ESRRB: variants seen among roughly 807,000 people sequenced by gnomAD.
The protein encoded by ESRRB is steroid hormone receptor ERR2.
ESRRB carries 16 observed loss-of-function variants against 46.0 expected under a neutral mutation model. That is an observed-to-expected ratio of 0.35 (90% confidence interval 0.24 to 0.53). The LOEUF (loss-of-function observed/expected upper bound fraction) is 0.53. ESRRB is among the 20% of genes least tolerant of loss of function. ESRRB has a pLI of 0.93. For synonymous variants in ESRRB, 246 were observed against 259.6 expected (o/e 0.95, Z 0.50); for missense variants, 488 against 607.4 (o/e 0.80, Z 2.07).
intron 1 of ESRRB, among the ~76,000 whole-genome samples, chr14:76,321,900 AT>A (rs975166193): frequency 2.0e-5 from 3 of 147,198 alleles, no homozygotes; most frequent in African/African-American, 7.4e-5. Flanking sequence ...AAAAAAAAAA[AT>A]ATATTCTTCC....
At chr14:76,466,208 G>A (rs1889104312) in intron 3 of ESRRB, among the ~76,000 whole-genome samples, 1 of 152,316 alleles carries the variant, frequency 6.6e-6, no homozygotes, top group East Asian at 1.9e-4. Flanking sequence ...GGCTTGGGGA[G>A]GGCTGCAGAC....
upstream of ESRRB, among the ~76,000 whole-genome samples, chr14:76,375,201 CT>C (rs1246669046): frequency 6.6e-6 from 1 of 151,874 alleles, no homozygotes; most frequent in Non-Finnish European, 1.5e-5. Context: ...ATTATTATCC[CT>C]GTGGCTGGTG....
At chr14:76,314,409 G>A (rs200184124) in intron 1 of ESRRB, among the ~76,000 whole-genome samples, 12 of 152,280 alleles carry the variant, frequency 7.9e-5, no homozygotes, top group East Asian at 3.9e-4. Context: ...GCTCCAGTTC[G>A]GAGGTGAGAA....
At chr14:76,340,787 A>G (rs1204479502) in intron 1 of ESRRB, among the ~76,000 whole-genome samples, 1 of 152,198 alleles carries the variant, frequency 6.6e-6, no homozygotes, top group African/African-American at 2.4e-5. Flanking sequence ...GACAAGGCAC[A>G]ATGCAGCAGG....
chr14:76,489,666 A>G (rs1402276674), intron 5 of ESRRB, among the ~76,000 whole-genome samples: 2 of 152,226 alleles, frequency 1.3e-5, no homozygotes, highest in African/African-American at 4.8e-5. Flanking sequence ...GAGAATGCTC[A>G]CAGGGTAAGG....
intron 1 of ESRRB, among the ~76,000 whole-genome samples, chr14:76,321,918 A>G (rs1317010190): frequency 6.6e-6 from 1 of 151,942 alleles, no homozygotes; most frequent in African/African-American, 2.4e-5. Flanking sequence ...TTCCCATTAT[A>G]CAAAAGAGGA....
At chr14:76,344,877 A>C (rs34496850) in intron 1 of ESRRB, among the ~76,000 whole-genome samples, 37,056 of 151,770 alleles carry the variant, frequency 0.24, 5,073 homozygotes, top group East Asian at 0.44. Flanking sequence ...AATAGTGTCC[A>C]ATCTCATCCA....
At chr14:76,454,633 C>G (rs1434774069) in intron 2 of ESRRB, among the ~76,000 whole-genome samples, 1 of 152,110 alleles carries the variant, frequency 6.6e-6, no homozygotes, top group Non-Finnish European at 1.5e-5. Context: ...TACTTACTGA[C>G]AGTTCAGATC....
intron 1 of ESRRB, among the ~76,000 whole-genome samples, chr14:76,330,094 C>T (rs977229893): frequency 6.6e-6 from 1 of 152,026 alleles, no homozygotes; most frequent in Non-Finnish European, 1.5e-5. Flanking sequence ...CCCTCCTTGC[C>T]GGCCAGCAGG....
intron 3 of ESRRB, among the ~76,000 whole-genome samples, chr14:76,475,599 G>A (rs1340989136): frequency 6.6e-6 from 1 of 152,148 alleles, no homozygotes; most frequent in Non-Finnish European, 1.5e-5. Flanking sequence ...TTTGGCCATT[G>A]TGATTATGCT....
chr14:76,340,448 C>T (rs945131490), intron 1 of ESRRB, among the ~76,000 whole-genome samples: 3 of 152,180 alleles, frequency 2.0e-5, no homozygotes, highest in East Asian at 3.8e-4. Context: ...GGTTCGGTTC[C>T]GTGGCTTCAT....
intron 1 of ESRRB, among the ~76,000 whole-genome samples, chr14:76,427,596 A>G (rs1595106987): frequency 6.6e-6 from 1 of 152,330 alleles, no homozygotes; most frequent in African/African-American, 2.4e-5. Context: ...GGAGAGAGGG[A>G]GCAAGACAGT....
intron 2 of ESRRB, among the ~76,000 whole-genome samples, chr14:76,447,909 A>G (rs1442623173): frequency 6.6e-6 from 1 of 151,986 alleles, no homozygotes; most frequent in Non-Finnish European, 1.5e-5. Context: ...ACATCTGACC[A>G]TGTCTCCCTT....
At position 76,430,761 on chromosome 14, in the gene ESRRB, G is replaced by A. The variant is rs111397451; in HGVS notation, c.51-8580G>A. On this transcript the variant is annotated intron_variant, in intron 1 of 6. Coordinates refer to ENST00000644823, the MANE Select transcript of ESRRB (RefSeq NM_001379180.1). ...TGGCACGTCTGCTACCAGCATGCAGGCTTGTAGCCATTAAGTGGCCCAGCT... is the reference window on the plus strand; with the variant it reads ...TGGCACGTCTGCTACCAGCATGCAGACTTGTAGCCATTAAGTGGCCCAGCT... 7.9e-4 allele frequency among the ~76,000 whole-genome samples: 121 copies of A among 152,326 alleles called. 1 individual carries two copies. The highest frequency in any genetic ancestry group is 2.8e-3 in the African/African-American group (116 of 41,570).
At chr14:76,456,051 C>CAT (rs1229882543) in intron 2 of ESRRB, among the ~76,000 whole-genome samples, 3 of 145,766 alleles carry the variant, frequency 2.1e-5, no homozygotes, top group Non-Finnish European at 4.6e-5. Context: ...CACACACACA[C>CAT]ACACACACAC....
intron 6 of ESRRB, chr14:76,495,724 C>A (rs959352250): frequency 9.2e-5 from 14 of 151,754 alleles, no homozygotes; most frequent in African/African-American, 3.1e-4. Flanking sequence ...ACGGACAGAT[C>A]ATTTTGTAAA....
Position 76,408,591 on chromosome 14 carries a change from CAAAAAAAAAA to C in ESRRB, c.51-30732_51-30723del, listed in dbSNP as rs35955826. ...TGGGTGACAGAGTGAGACCCTGTCTCAAAAAAAAAAAAAAAAAAAAAAAAAAAGATAAGCA... is the reference window on the plus strand; with the variant it reads ...TGGGTGACAGAGTGAGACCCTGTCTCAAAAAAAAAAAAAAAAAGATAAGCA... On this transcript the variant is annotated intron_variant, in intron 1 of 6. Transcript: ENST00000644823. Among the ~76,000 whole-genome samples the C allele has an allele frequency of 8.5e-3, 359 of 42,152 alleles. 1 individual carries two copies. Among genetic ancestry groups the C allele is most frequent in the African/African-American group, 0.035 (334 of 9,438 alleles). The allele number at this position is 42,152 out of a possible 152,430, so 27.7% of individuals were successfully genotyped here. A position where few individuals can be genotyped will look rare whatever the true frequency, so the allele number is the denominator to read the frequency against.
At chr14:76,384,251 C>G (rs1353885300) in intron 1 of ESRRB, among the ~76,000 whole-genome samples, 2 of 152,114 alleles carry the variant, frequency 1.3e-5, no homozygotes, top group East Asian at 3.9e-4. Context: ...GCAGAAAGAA[C>G]ACTGCTTTTA....
chr14:76,416,207 C>T (rs1352665368), intron 1 of ESRRB, among the ~76,000 whole-genome samples: 3 of 145,288 alleles, frequency 2.1e-5, no homozygotes, highest in Non-Finnish European at 3.0e-5. Context: ...GTGATCATAG[C>T]TCACTGCAAC....
Sources: gnomAD v4.1 joint callset for allele counts (sites outside exome capture counted in the v4.1 genomes callset) on GRCh38, gnomAD v4.1.1 for gene constraint, MANE v1.5 for transcripts, NCBI Gene and HGNC (gene_info 2026-07-23, HGNC 2026-07-21) for gene names.